IMMP2L: variants seen among roughly 807,000 people sequenced by gnomAD.
IMMP2L encodes the protein inner mitochondrial membrane peptidase subunit 2, also known as mitochondrial inner membrane protease subunit 2.
A neutral mutation model predicts 19.3 loss-of-function variants in IMMP2L; 18 were observed. That is an observed-to-expected ratio of 0.93 (90% CI 0.64 to 1.38). The LOEUF (loss-of-function observed/expected upper bound fraction) is 1.38, where lower values mean the gene tolerates loss of function less well. Ranked by LOEUF, IMMP2L falls within the 40% of genes most tolerant of loss-of-function variation. The pLI, the probability that IMMP2L is intolerant of heterozygous loss-of-function variation, is 0.00. For synonymous variants in IMMP2L, 76 were observed against 73.0 expected (o/e 1.04, Z -0.21); for missense variants, 233 against 218.2 (o/e 1.07, Z -0.43).
At chr7:110,879,474 CT>C (rs1809425027) in intron 5 of IMMP2L, among the ~76,000 whole-genome samples, 1 of 152,070 alleles carries the variant, frequency 6.6e-6, no homozygotes, top group Non-Finnish European at 1.5e-5. Flanking sequence ...TCCCACTCTG[CT>C]TCAGATATAA....
intron 3 of IMMP2L, among the ~76,000 whole-genome samples, chr7:111,392,443 A>T (rs543262048): frequency 6.6e-6 from 1 of 152,134 alleles, no homozygotes; most frequent in South Asian, 2.1e-4. Context: ...CTTCCCATCA[A>T]CCTATTACTT....
At chr7:110,940,256 T>G (rs772694753) in intron 4 of IMMP2L, among the ~76,000 whole-genome samples, 6 of 151,546 alleles carry the variant, frequency 4.0e-5, no homozygotes, top group African/African-American at 1.5e-4. Context: ...GAGTTGGAGC[T>G]TGCAGTGAGC....
chr7:110,954,050 G>T (rs1818123697), intron 4 of IMMP2L, among the ~76,000 whole-genome samples: 1 of 152,086 alleles, frequency 6.6e-6, no homozygotes, highest in Admixed American at 6.6e-5. Flanking sequence ...TAGACTAGAA[G>T]AATATATACC....
chr7:111,558,989 G>A (rs1471962243), intron 1 of IMMP2L, among the ~76,000 whole-genome samples: 1 of 152,064 alleles, frequency 6.6e-6, no homozygotes, highest in Non-Finnish European at 1.5e-5. Flanking sequence ...TTGTTAACTT[G>A]TAAGAACAAT....
intron 3 of IMMP2L, among the ~76,000 whole-genome samples, chr7:111,338,906 A>C (rs1017253667): frequency 6.6e-6 from 1 of 152,106 alleles, no homozygotes; most frequent in Non-Finnish European, 1.5e-5. Flanking sequence ...CTGTCAATAC[A>C]ACTATTTATC....
In IMMP2L at chr7:110,820,384, T is replaced by C. The variant is rs565698449; in HGVS notation, c.408+66209A>G. On this transcript the variant is annotated intron_variant, in intron 5 of 5. Coordinates refer to ENST00000405709, the MANE Select transcript of IMMP2L (RefSeq NM_032549.4). ...TACAAAACAAGAAAATCTCTTCTTA[T>C]GTGTTTAATTCACCTAATAAATCAC... Among the ~76,000 whole-genome samples the C allele has an allele frequency of 2.0e-5, 3 of 152,196 alleles. No individual in the cohort carries two copies. The South Asian group carries it at 6.2e-4, about 32-fold the overall frequency.
chr7:111,281,326 A>G (rs1271599365), intron 3 of IMMP2L, among the ~76,000 whole-genome samples: 1 of 152,052 alleles, frequency 6.6e-6, no homozygotes, highest in African/African-American at 2.4e-5. Flanking sequence ...AAAGACAGAA[A>G]GAAAGGACTG....
At chr7:111,534,857 G>C (rs1847738028) in intron 1 of IMMP2L, among the ~76,000 whole-genome samples, 1 of 152,092 alleles carries the variant, frequency 6.6e-6, no homozygotes, top group African/African-American at 2.4e-5. Context: ...GAAATGCAAA[G>C]ATATTTTCCC....
chr7:110,681,823 T>TGAGTAATTCAA (rs1468037283), intron 5 of IMMP2L, among the ~76,000 whole-genome samples: 3 of 151,922 alleles, frequency 2.0e-5, no homozygotes, highest in Non-Finnish European at 4.4e-5. Context: ...AGTAATCTAG[T>TGAGTAATTCAA]GAGTAATTCA....
chr7:111,353,372 A>C (rs746387354), intron 3 of IMMP2L, among the ~76,000 whole-genome samples: 6 of 152,176 alleles, frequency 3.9e-5, no homozygotes, highest in Non-Finnish European at 7.4e-5. Context: ...CACTTATTTA[A>C]TAATGTGATG....
At chr7:111,027,283 A>T (rs897936548) in intron 3 of IMMP2L, among the ~76,000 whole-genome samples, 1 of 152,180 alleles carries the variant, frequency 6.6e-6, no homozygotes, top group Admixed American at 6.6e-5. Flanking sequence ...GGGTCTAGAC[A>T]GATACAAGAG....
intron 4 of IMMP2L, 32 bp from the exon 5 acceptor site, chr7:110,886,727 G>C: frequency 1.0e-6 from 1 of 1,001,042 alleles, no homozygotes; most frequent in Middle Eastern, 2.1e-4. Flanking sequence ...ACTGAGATAT[G>C]AGTAGAAAAG....
At chr7:111,447,366 A>G (rs1314314320) in intron 3 of IMMP2L, among the ~76,000 whole-genome samples, 1 of 146,878 alleles carries the variant, frequency 6.8e-6, no homozygotes, top group Non-Finnish European at 1.5e-5. Context: ...CTCTCGACAG[A>G]AACCCTACAA....
chr7:110,722,350 C>G (rs527965056), intron 5 of IMMP2L, among the ~76,000 whole-genome samples: 4 of 152,040 alleles, frequency 2.6e-5, no homozygotes, highest in African/African-American at 9.6e-5. Context: ...TTCTCGAAAA[C>G]CACCACTCTT....
intron 3 of IMMP2L, among the ~76,000 whole-genome samples, chr7:111,231,878 A>C (rs923474245): frequency 2.2e-4 from 34 of 152,014 alleles, no homozygotes; most frequent in Admixed American, 5.9e-4. Context: ...TGTCAAGTAT[A>C]ATAATTTTTT....
At chr7:111,268,569 C>CTCTTTTTTTTTTTT (rs1818083564) in intron 3 of IMMP2L, among the ~76,000 whole-genome samples, 3 of 44,562 alleles carry the variant, frequency 6.7e-5, no homozygotes, top group African/African-American at 3.1e-4. Flanking sequence ...TCACATTTCT[C>CTCTTTTTTTTTTTT]TTTTTTTTTT....
chr7:110,751,405 T>C (rs1251405216), intron 5 of IMMP2L, among the ~76,000 whole-genome samples: 4 of 151,624 alleles, frequency 2.6e-5, no homozygotes, highest in Non-Finnish European at 5.9e-5. Flanking sequence ...AACTGATTTT[T>C]CTAAGCCTTT....
intron 3 of IMMP2L, among the ~76,000 whole-genome samples, chr7:111,092,180 G>A (rs1389624626): frequency 6.6e-6 from 1 of 152,166 alleles, no homozygotes. Context: ...TCCCCTCGCT[G>A]GTCTGAAGGG....
chr7:110,942,981 C>G (rs1039020598), intron 4 of IMMP2L, among the ~76,000 whole-genome samples: 3 of 151,864 alleles, frequency 2.0e-5, no homozygotes, highest in Non-Finnish European at 4.4e-5. Flanking sequence ...ATTGACCACA[C>G]AATCTCTGAA....
Sources: allele counts gnomAD v4.1 joint callset (sites outside exome capture counted in the v4.1 genomes callset), GRCh38; gene constraint gnomAD v4.1.1; transcripts MANE v1.5; gene names NCBI Gene and HGNC (gene_info 2026-07-23, HGNC 2026-07-21).